Variants in ACAA1 observed in about 807,000 individuals in gnomAD.
ACAA1 encodes the protein acetyl-CoA acyltransferase 1, also known as 3-ketoacyl-CoA thiolase, peroxisomal.
In ACAA1, 44 loss-of-function variants were observed where a neutral mutation model predicts 48.8. The ratio of observed to expected loss-of-function variants is 0.90; its 90% CI spans 0.71 to 1.16. The LOEUF (loss-of-function observed/expected upper bound fraction) is 1.16, where lower values mean the gene tolerates loss of function less well. Ranked by LOEUF, ACAA1 falls within the 50% of genes most tolerant of loss-of-function variation. The pLI, the probability that ACAA1 is intolerant of heterozygous loss-of-function variation, is 0.00. For missense variants in ACAA1, 512 were observed against 562.3 expected, an observed-to-expected ratio of 0.91 and a Z score of 0.90; for synonymous variants, 233 against 226.5, an observed-to-expected ratio of 1.03 and a Z score of -0.26.
At chr3:38,128,110 C>T (rs1700715250) in intron 6 of ACAA1, among the ~76,000 whole-genome samples, 1 of 152,170 alleles carries the variant, frequency 6.6e-6, no homozygotes, top group African/African-American at 2.4e-5. Flanking sequence ...AGCTCATACA[C>T]CAAAGAGACT....
chr3:38,129,937 G>A lies in ACAA1; in HGVS notation c.447-549C>T, dbSNP rs982077658. 7.2e-5 allele frequency among the ~76,000 whole-genome samples: 11 copies of A among 152,234 alleles called. No homozygotes were observed. The highest frequency in any genetic ancestry group is 2.4e-4 in the African/African-American group (10 of 41,450). On this transcript the variant is annotated intron_variant, in intron 5 of 11. Transcript: ENST00000333167. The surrounding 1 kb of genome is among the most constrained non-coding windows in gnomAD (Gnocchi z 5.3). The stretch of plus-strand genomic sequence containing the variant: ...CATGGTGGCAGGCGCCAGGGTGGGA[G>A]GCTGAGGCAGGAGAATGGCGTAAAC...
At chr3:38,123,239 G>T in intron 11 of ACAA1, 117 bp from the exon 12 acceptor site, 1 of 961,036 alleles carries the variant, frequency 1.0e-6, no homozygotes, top group Non-Finnish European at 1.6e-6. Context: ...GACCAGATCT[G>T]TGGGCAAGCG....
At position 38,137,054 on chromosome 3, in the gene ACAA1, A is replaced by G. The variant is rs750648752; in HGVS notation, c.-19T>C. 1 of 1,539,614 alleles carries G rather than the reference A, an allele frequency of 6.5e-7. No homozygotes were observed. Among genetic ancestry groups the G allele is most frequent in the Non-Finnish European group, 8.7e-7 (1 of 1,146,488 alleles). On this transcript the variant is annotated 5_prime_UTR_variant, in exon 1 of 12. Coordinates refer to ENST00000333167, the MANE Select transcript of ACAA1 (RefSeq NM_001607.4). ...TCTGCATTGCGCAGGTCAACCCTGC[A>G]GACCAGCCACCAGTCCGGGAACTGA...
chr3:38,134,911 T>C (rs773297931), intron 2 of ACAA1, among the ~76,000 whole-genome samples: 5 of 151,628 alleles, frequency 3.3e-5, no homozygotes, highest in Non-Finnish European at 7.4e-5. Flanking sequence ...GGGTCTGTGC[T>C]GAGGAGGATT....
chr3:38,123,485 T>C (rs1700589497), intron 11 of ACAA1: 1 of 184,708 alleles, frequency 5.4e-6, no homozygotes, highest in African/African-American at 2.4e-5. Context: ...CCCTAAAGTC[T>C]AAAATCCTGA....
chr3:38,126,151 A>T lies in ACAA1; in HGVS notation c.997+11T>A, dbSNP rs748781191. On this transcript the variant is annotated intron_variant, in intron 9 of 11. Coordinates refer to ENST00000333167, the MANE Select transcript of ACAA1 (RefSeq NM_001607.4). This position sits in a 1 kb window ranked among gnomAD's most constrained non-coding sequence, Gnocchi z 4.7. ...GTGGGACCCAGATACTATATGAAGG[A>T]GCCACCTTACCTGCTTTTTGCAAAG... 18 of 1,611,848 alleles carry T rather than the reference A, an allele frequency of 1.1e-5. No homozygotes were observed. In the South Asian group the frequency reaches 1.9e-4, roughly 17 times the overall value.
rs1322666619 is a variant in ACAA1 at position 38,127,646 on chromosome 3, C to T, written c.626+140G>A. 1.2e-5 allele frequency: 9 copies of T among 782,446 alleles called. No individual in the cohort carries two copies. The East Asian group carries it at 1.6e-4, about 14-fold the overall frequency. The allele number at this position is 782,446 out of a possible 1,614,324, so 48.5% of individuals were successfully genotyped here. A position where few individuals can be genotyped will look rare whatever the true frequency, so the allele number is the denominator to read the frequency against. On this transcript the variant is annotated intron_variant, in intron 7 of 11. Coordinates refer to ENST00000333167, the MANE Select transcript of ACAA1 (RefSeq NM_001607.4). ...GGCCCTGACACTTCCTACTTCCCAC[C>T]CCCAACCTGGGTGGCACAAGGCCTG...
chr3:38,126,088 C>T lies in ACAA1; in HGVS notation c.997+74G>A. On this transcript the variant is annotated intron_variant, in intron 9 of 11. Coordinates refer to ENST00000333167, the MANE Select transcript of ACAA1 (RefSeq NM_001607.4). This position sits in a 1 kb window ranked among gnomAD's most constrained non-coding sequence, Gnocchi z 4.7. ...CAGCACCCACAGGACCACCCTCATGCCCCTGGCAACAGCATGCAGGGCAGC... is the reference window on the plus strand; with the variant it reads ...CAGCACCCACAGGACCACCCTCATGTCCCTGGCAACAGCATGCAGGGCAGC... 1.9e-6 allele frequency: 3 copies of T among 1,550,088 alleles called. No individual in the cohort carries two copies. The highest frequency in any genetic ancestry group is 1.8e-5 in the Admixed American group (1 of 56,404).
At position 38,137,019 on chromosome 3, in the gene ACAA1, A is replaced by G; in HGVS notation, c.17T>C (p.Val6Ala). The change falls in exon 1 of 12, where the codon GTA (valine) becomes GCA (alanine). Residue 6 changes from valine (V) to alanine (A), a missense_variant. Physicochemically the swap from Val to Ala is moderately conservative, Grantham distance 64. Transcript: ENST00000333167. MQRLQ[V>A]VLGHLRGPAD... ...CGGACCCCTCAGGTGGCCCAGCACT[A>G]CCTGCAGCCTCTGCATTGCGCAGGT... The G allele has an allele frequency of 6.4e-7, 1 of 1,566,226 alleles. No individual in the cohort carries two copies. The highest frequency in any genetic ancestry group is 1.9e-5 in the Admixed American group (1 of 53,328).
rs1700923255 is a variant in ACAA1 at position 38,137,044 on chromosome 3, T to TC, written c.-10dup. On this transcript the variant is annotated 5_prime_UTR_variant, in exon 1 of 12. An upstream open reading frame in the 5' UTR loses its in-frame stop. Transcript: ENST00000333167. ...ACCTGCAGCCTCTGCATTGCGCAGG[T>TC]CAACCCTGCAGACCAGCCACCAGTC... The TC allele has an allele frequency of 1.3e-6, 2 of 1,554,230 alleles. No homozygotes were observed. The highest frequency in any genetic ancestry group is 2.8e-5 in the African/African-American group (2 of 71,760).
intron 3 of ACAA1, 49 bp downstream of exon 3, chr3:38,133,903 A>C (rs1700837305): frequency 6.3e-7 from 1 of 1,597,822 alleles, no homozygotes; most frequent in South Asian, 1.1e-5. Context: ...GCCTGGGCCC[A>C]GTAAAGTGTC....
At chr3:38,133,833 C>T (rs1236421799) in intron 3 of ACAA1, 119 bp downstream of exon 3, 21 of 988,712 alleles carry the variant, frequency 2.1e-5, no homozygotes, top group South Asian at 1.1e-4. Flanking sequence ...CAAGGACTCT[C>T]GTTGCCTCAT....
In ACAA1 at chr3:38,125,941, C is replaced by T. The variant is rs532938089; in HGVS notation, c.998-60G>A. 46 of 1,600,796 alleles carry T rather than the reference C, an allele frequency of 2.9e-5. 1 individual carries two copies. In the South Asian group the frequency reaches 3.9e-4, roughly 13 times the overall value. ...GGCCCTCTGCCTCCCCTGGGGCCCA[C>T]CCCATCCATGGGCCTACAGGCTGCC... On this transcript the variant is annotated intron_variant, in intron 9 of 11. Coordinates refer to ENST00000333167, the MANE Select transcript of ACAA1 (RefSeq NM_001607.4).
At chr3:38,124,247 C>T (rs1156875302) in intron 11 of ACAA1, 1 of 152,150 alleles carries the variant, frequency 6.6e-6, no homozygotes, top group Non-Finnish European at 1.5e-5. Flanking sequence ...CATGTGCACC[C>T]AGCTTTATAA....
rs189620678 is a variant in ACAA1, at chr3:38,131,689, G to A, written c.404-51C>T. On this transcript the variant is annotated intron_variant, in intron 4 of 11. Coordinates refer to ENST00000333167, the MANE Select transcript of ACAA1 (RefSeq NM_001607.4). ...TCCTTTGCCAGAGTCCACCTGTTCTGGAAGCAGTGGAGCCTCTTCCCCACC... is the reference window on the plus strand; with the variant it reads ...TCCTTTGCCAGAGTCCACCTGTTCTAGAAGCAGTGGAGCCTCTTCCCCACC... 84 of 1,589,554 alleles carry A rather than the reference G, an allele frequency of 5.3e-5. 1 individual carries two copies. Among genetic ancestry groups the A allele is most frequent in the Non-Finnish European group, 1.7e-6 (2 of 1,157,610 alleles).
intron 3 of ACAA1, chr3:38,132,228 C>A: frequency 2.5e-6 from 1 of 395,616 alleles, no homozygotes. Context: ...GCCCCACAAG[C>A]ACATTCCCTT....
chr3:38,131,309 G>A (rs1700782089), intron 5 of ACAA1, among the ~76,000 whole-genome samples: 1 of 152,126 alleles, frequency 6.6e-6, no homozygotes, highest in African/African-American at 2.4e-5. Context: ...CCCAAATGCT[G>A]GATTTTCTCA....
At position 38,126,589 on chromosome 3, in the gene ACAA1, C is replaced by T. The variant is rs149277599; in HGVS notation, c.738G>A (p.Glu246=). 5.3e-5 allele frequency: 86 copies of T among 1,614,094 alleles called. No individual in the cohort carries two copies. The highest frequency in any genetic ancestry group is 6.9e-5 in the Non-Finnish European group (82 of 1,180,044). Residue 246 remains glutamate (E), a synonymous_variant, in exon 8 of 12, where the codon GAG becomes GAA. Transcript: ENST00000333167. This position sits in a 1 kb window ranked among gnomAD's most constrained non-coding sequence, Gnocchi z 4.7. ...TKRSITVTQD[E]GIRPSTTMEG... ...CCATGGTGGTGCTGGGGCGGATACC[C>T]TCATCCTGGGTCACAGTGATGCTCC...
intron 6 of ACAA1, among the ~76,000 whole-genome samples, chr3:38,128,073 G>C (rs575249604): frequency 2.4e-4 from 36 of 152,344 alleles, no homozygotes; most frequent in African/African-American, 8.7e-4. Flanking sequence ...AGATAGGGAA[G>C]TCAGCAATGC....
Sources: gnomAD v4.1 joint callset for allele counts (sites outside exome capture counted in the v4.1 genomes callset) on GRCh38, gnomAD v4.1.1 for gene constraint, Gnocchi (gnomAD v3.1) non-coding constraint, MANE v1.5 for transcripts, NCBI Gene and HGNC (gene_info 2026-07-23, HGNC 2026-07-21) for gene names.